Variants in ZNF329 observed in about 807,000 individuals in gnomAD.
The protein encoded by ZNF329 is zinc finger protein 329.
In ZNF329, 15 loss-of-function variants were observed where a neutral mutation model predicts 26.6. The observed-to-expected ratio is 0.56, with a 90% CI of 0.38 to 0.87. ZNF329 has a LOEUF of 0.87. ZNF329 is among the 40% of genes least tolerant of loss of function. The pLI, the probability that ZNF329 is intolerant of heterozygous loss-of-function variation, is 0.00. For missense variants in ZNF329, 651 were observed against 651.9 expected (o/e 1.00, Z 0.02); for synonymous variants, 239 against 233.5 (o/e 1.02, Z -0.21).
intron 3 of ZNF329, among the ~76,000 whole-genome samples, chr19:58,131,757 G>A (rs1455309883): frequency 2.6e-5 from 4 of 152,074 alleles, no homozygotes; most frequent in Non-Finnish European, 5.9e-5. Flanking sequence ...GGAGCAGTGG[G>A]TCACGCCTGT....
chr19:58,147,132 T>C (rs1394196404), intron 1 of ZNF329, among the ~76,000 whole-genome samples: 6 of 145,218 alleles, frequency 4.1e-5, no homozygotes, highest in East Asian at 2.1e-4. Context: ...CCGCCCATCG[T>C]CTGAGATGTG....
rs1168859805 is a variant in ZNF329 at position 58,139,510 on chromosome 19, T to C, written c.-9+3047A>G. 2.6e-5 allele frequency among the ~76,000 whole-genome samples: 4 copies of C among 152,308 alleles called. No individual in the cohort carries two copies. In the East Asian group the frequency reaches 7.7e-4, roughly 29 times the overall value. On this transcript the variant is annotated intron_variant, in intron 3 of 3. Coordinates refer to ENST00000598312, the MANE Select transcript of ZNF329 (RefSeq NM_024620.4). Reference sequence around the variant, plus strand: ...CTTCCTGGTTTGCAGATGGCCACCTTCTCAGTGTGCCTTCACAGGGTACAG... The same window carrying C: ...CTTCCTGGTTTGCAGATGGCCACCTCCTCAGTGTGCCTTCACAGGGTACAG...
intron 3 of ZNF329, among the ~76,000 whole-genome samples, chr19:58,141,769 T>C (rs984117555): frequency 3.9e-5 from 6 of 152,108 alleles, no homozygotes; most frequent in Admixed American, 2.0e-4. Context: ...GGCATGCACC[T>C]GTAGTCCCAG....
At chr19:58,142,313 C>G (rs1281654746) in intron 3 of ZNF329, among the ~76,000 whole-genome samples, 2 of 152,090 alleles carry the variant, frequency 1.3e-5, no homozygotes, top group Admixed American at 6.6e-5. Context: ...AATGGATATA[C>G]AAGCTAGTTA....
chr19:58,146,604 G>A (rs1442971458), intron 1 of ZNF329, among the ~76,000 whole-genome samples: 1 of 150,244 alleles, frequency 6.7e-6, no homozygotes, highest in African/African-American at 2.5e-5. Context: ...ATGCCGAGCC[G>A]AAGCTGGACG....
At chr19:58,129,641 T>C in intron 3 of ZNF329, 130 bp from the exon 4 acceptor site, 1 of 848,760 alleles carries the variant, frequency 1.2e-6, no homozygotes, top group Non-Finnish European at 1.8e-6. Context: ...TTCAAATTTA[T>C]ACAAGGAAGA....
At chr19:58,149,648 G>GA (rs2075404835) in intron 1 of ZNF329, among the ~76,000 whole-genome samples, 2 of 151,972 alleles carry the variant, frequency 1.3e-5, no homozygotes, top group Admixed American at 6.6e-5. Context: ...TGGGAAAAAA[G>GA]AAAAAACAGA....
At position 58,133,528 on chromosome 19, in the gene ZNF329, G is replaced by A. The variant is rs796502562; in HGVS notation, c.-8-4017C>T. Among the ~76,000 whole-genome samples the A allele has an allele frequency of 5.9e-5, 9 of 151,694 alleles. No homozygotes were observed. In the South Asian group the frequency reaches 1.0e-3, roughly 17 times the overall value. On this transcript the variant is annotated intron_variant, in intron 3 of 3. Transcript: ENST00000598312. ...CTTGAGCTCCAGGGGTTGAGGCTGC[G>A]GTGAGCTATGATTCACTCCAGCCTG...
Position 58,147,702 on chromosome 19 carries a change from C to T in ZNF329, c.-208+3050G>A, listed in dbSNP as rs1457242522. Reference sequence around the variant, plus strand: ...GTCTGGGAGATGAGGGGCGCCTCTGCCCGGCTGCCCCACTGGGAAGTGAGG... The same window carrying T: ...GTCTGGGAGATGAGGGGCGCCTCTGTCCGGCTGCCCCACTGGGAAGTGAGG... On this transcript the variant is annotated intron_variant, in intron 1 of 3. Transcript: ENST00000598312. 3.4e-5 allele frequency among the ~76,000 whole-genome samples: 5 copies of T among 148,222 alleles called. 2 individuals carry two copies. Among genetic ancestry groups the T allele is most frequent in the African/African-American group, 1.3e-4 (5 of 38,366 alleles).
rs1403808933 is a variant in ZNF329, at chr19:58,129,042, C to T, written c.462G>A (p.Lys154=). ...CAAGAGAGGTAAAATGATTAAAAGA[C>T]TTAACACTTTCAGGGTATTTGTAGG... ...EKPYKYPESV[K]SFNHFTSLGH... The change falls in exon 4 of 4, where the codon AAG becomes AAA. Residue 154 remains lysine, a synonymous_variant. Coordinates refer to ENST00000598312, the MANE Select transcript of ZNF329 (RefSeq NM_024620.4). The T allele has an allele frequency of 5.0e-6, 8 of 1,613,934 alleles. No homozygotes were observed. The highest frequency in any genetic ancestry group is 6.8e-6 in the Non-Finnish European group (8 of 1,180,024).
At chr19:58,130,003 G>T (rs1488703350) in intron 3 of ZNF329, among the ~76,000 whole-genome samples, 1 of 152,206 alleles carries the variant, frequency 6.6e-6, no homozygotes, top group Non-Finnish European at 1.5e-5. Flanking sequence ...TGACCTAAAA[G>T]TTCTGGGTCT....
intron 1 of ZNF329, among the ~76,000 whole-genome samples, chr19:58,150,538 C>A (rs2075427944): frequency 6.6e-6 from 1 of 152,246 alleles, no homozygotes; most frequent in Admixed American, 6.5e-5. Context: ...AGGAGTGACC[C>A]CAATCGCCAC....
chr19:58,129,724 G>A (rs1888122335), intron 3 of ZNF329, among the ~76,000 whole-genome samples: 1 of 152,144 alleles, frequency 6.6e-6, no homozygotes, highest in African/African-American at 2.4e-5. Flanking sequence ...CATCTTCCTA[G>A]AGAGCAGGCA....
intron 3 of ZNF329, among the ~76,000 whole-genome samples, chr19:58,135,164 C>T (rs1297090230): frequency 6.6e-6 from 1 of 152,070 alleles, no homozygotes; most frequent in Admixed American, 6.5e-5. Context: ...CCAGGCTGGC[C>T]TCAAACTCCA....
At chr19:58,135,055 GT>G (rs945989159) in intron 3 of ZNF329, among the ~76,000 whole-genome samples, 6 of 151,212 alleles carry the variant, frequency 4.0e-5, no homozygotes, top group African/African-American at 1.2e-4. Flanking sequence ...GTTTTTTGAG[GT>G]TTTTTTTTCT....
chr19:58,145,854 C>A (rs561609238), intron 1 of ZNF329, among the ~76,000 whole-genome samples: 3 of 151,908 alleles, frequency 2.0e-5, no homozygotes, highest in Non-Finnish European at 2.9e-5. Flanking sequence ...CTTCCTGACA[C>A]GACACACCAA....
chr19:58,151,678 G>A (rs1199087499), upstream of ZNF329, among the ~76,000 whole-genome samples: 1 of 150,840 alleles, frequency 6.6e-6, no homozygotes, highest in East Asian at 1.9e-4. Flanking sequence ...AAAGTAAACT[G>A]TGCACTTATC....
chr19:58,128,460 A>G lies in ZNF329; in HGVS notation c.1044T>C (p.Cys348=), dbSNP rs1474904871. The change falls in exon 4 of 4, where the codon TGT becomes TGC. Residue 348 remains cysteine, a synonymous_variant. Transcript: ENST00000598312. ...ACGAGCCGTCCCGGAAAGCCTTTCC[A>G]CATTTGCTACACTCATAGGGCTTCT... ...TGEKPYECSK[C]GKAFRDGSYL... 2 of 1,613,256 alleles carry G rather than the reference A, an allele frequency of 1.2e-6. No individual in the cohort carries two copies. The highest frequency in any genetic ancestry group is 1.7e-6 in the Non-Finnish European group (2 of 1,179,530).
At chr19:58,149,908 G>A (rs1353540009) in intron 1 of ZNF329, among the ~76,000 whole-genome samples, 1 of 152,176 alleles carries the variant, frequency 6.6e-6, no homozygotes, top group African/African-American at 2.4e-5. Flanking sequence ...AGGTGTTTGA[G>A]GGAGAAGTGT....
Sources: allele counts gnomAD v4.1 joint callset (sites outside exome capture counted in the v4.1 genomes callset), GRCh38; gene constraint gnomAD v4.1.1; transcripts MANE v1.5; gene names NCBI Gene and HGNC (gene_info 2026-07-23, HGNC 2026-07-21).